Variants in SYNRG observed in about 807,000 individuals in gnomAD.
The protein encoded by SYNRG is AP1 gamma subunit binding protein 1.
SYNRG carries 37 observed loss-of-function variants against 130.9 expected under a neutral mutation model. That is an observed-to-expected ratio of 0.28 (90% CI 0.22 to 0.37). The LOEUF is 0.37. Ranked by LOEUF, SYNRG falls within the 10% of genes least tolerant of loss-of-function variation. The pLI is 1.00. For synonymous variants in SYNRG, 539 were observed against 568.1 expected, an observed-to-expected ratio of 0.95 and a Z score of 0.73; for missense variants, 1,338 against 1,588.9, an observed-to-expected ratio of 0.84 and a Z score of 2.68.
intron 10 of SYNRG, among the ~76,000 whole-genome samples, chr17:37,570,134 A>G (rs2060310402): frequency 6.9e-6 from 1 of 144,670 alleles, no homozygotes; most frequent in Non-Finnish European, 1.5e-5. Flanking sequence ...AGATATAGAC[A>G]TGCTGAGGCT....
Position 37,577,547 on chromosome 17 carries a change from T to G in SYNRG, c.656A>C (p.Lys219Thr). Residue 219 changes from lysine to threonine, a missense_variant, in exon 7 of 22, where the codon AAA becomes ACA. Around this residue, in one of 3 missense-constraint regions of SYNRG, gnomAD observed 1,146 missense variants for 1,342.3 expected, o/e 0.85. Coordinates refer to ENST00000612223, the MANE Select transcript of SYNRG (RefSeq NM_007247.6). ...GTGGCCAACTTCAGAAGTATTTAAT[T>G]TAATTTGTTCCTGCCCAGATGTACT... Reference protein sequence around the residue: ...DISTSGQEQIKLNTSEVGHKA... With the variant: ...DISTSGQEQITLNTSEVGHKA... 2 of 1,614,162 alleles carry G rather than the reference T, an allele frequency of 1.2e-6. No homozygotes were observed. The highest frequency in any genetic ancestry group is 1.7e-6 in the Non-Finnish European group (2 of 1,180,030).
chr17:37,594,063 G>T (rs1368704059), intron 3 of SYNRG, among the ~76,000 whole-genome samples: 1 of 151,340 alleles, frequency 6.6e-6, no homozygotes, highest in Non-Finnish European at 1.5e-5. Flanking sequence ...TTATTGTTCT[G>T]CATATTAGAG....
chr17:37,527,930 G>A (rs563197932), intron 19 of SYNRG, among the ~76,000 whole-genome samples: 1 of 152,288 alleles, frequency 6.6e-6, no homozygotes, highest in South Asian at 2.1e-4. Flanking sequence ...CATGACTACT[G>A]TGATGCCGCA....
intron 19 of SYNRG, among the ~76,000 whole-genome samples, chr17:37,523,074 A>G (rs943523548): frequency 1.3e-5 from 2 of 152,248 alleles, no homozygotes; most frequent in Non-Finnish European, 2.9e-5. Flanking sequence ...AAAGCTAGAC[A>G]AGAGTAAAAT....
At chr17:37,576,559 CT>C (rs1406725534) in intron 7 of SYNRG, 141 bp from the exon 8 acceptor site, 22 of 636,232 alleles carry the variant, frequency 3.5e-5, no homozygotes, top group Non-Finnish European at 5.4e-5. Context: ...TTGGTCCCCC[CT>C]GCCTCCGATT....
At chr17:37,600,468 C>A (rs776943992) in intron 1 of SYNRG, 65 bp from the exon 2 acceptor site, 3 of 1,510,746 alleles carry the variant, frequency 2.0e-6, no homozygotes, top group Admixed American at 3.5e-5. Context: ...AACACGTGTA[C>A]TTTTTTATAT....
intron 1 of SYNRG, among the ~76,000 whole-genome samples, chr17:37,607,513 G>A (rs1330492644): frequency 1.3e-5 from 2 of 152,202 alleles, no homozygotes; most frequent in African/African-American, 2.4e-5. Context: ...AGGATGCCGG[G>A]CGTGGTGACT....
chr17:37,583,486 G>C (rs2146417709), intron 6 of SYNRG, among the ~76,000 whole-genome samples: 1 of 152,270 alleles, frequency 6.6e-6, no homozygotes, highest in South Asian at 2.1e-4. Flanking sequence ...GAAAAATCAA[G>C]AACTGGTTAC....
chr17:37,520,174 C>T lies in SYNRG; in HGVS notation c.3813+5G>A, dbSNP rs2054815028. On this transcript the variant is annotated splice_donor_5th_base_variant and intron_variant, in intron 21 of 21. Transcript: ENST00000612223. Reference sequence around the variant, plus strand: ...ACGCTAAGATAAGGTGTAACTGGTTCATACTTTTTTAGGATGTTCTTCTGC... The same window carrying T: ...ACGCTAAGATAAGGTGTAACTGGTTTATACTTTTTTAGGATGTTCTTCTGC... 1.2e-6 allele frequency: 2 copies of T among 1,614,216 alleles called. No homozygotes were observed. Among genetic ancestry groups the T allele is most frequent in the Middle Eastern group, 3.3e-4 (2 of 6,062 alleles).
At position 37,535,982 on chromosome 17, in the gene SYNRG, G is replaced by A; in HGVS notation, c.3663C>T (p.Leu1221=). 6.2e-7 allele frequency: 1 copy of A among 1,613,814 alleles called. No homozygotes were observed. Among genetic ancestry groups the A allele is most frequent in the South Asian group, 1.1e-5 (1 of 91,084 alleles). Residue 1221 remains leucine, a synonymous_variant, in exon 19 of 22, where the codon CTC becomes CTT. Transcript: ENST00000612223. ...CTGAGTTGTCTCATGGGCTTACTGT[G>A]AGTGTGGCGAGTGACATGAAGCCGA... ...NLIGFMSLAT[L]TPDENSLDFS... is the part of the protein sequence containing the mutation.
intron 8 of SYNRG, among the ~76,000 whole-genome samples, chr17:37,572,581 G>A (rs1033499070): frequency 6.6e-6 from 1 of 152,212 alleles, no homozygotes; most frequent in African/African-American, 2.4e-5. Context: ...AAGACAGCAT[G>A]CTTTGGACTT....
intron 20 of SYNRG, among the ~76,000 whole-genome samples, 160 bp from the exon 21 acceptor site, chr17:37,520,374 G>A (rs1230383260): frequency 2.0e-5 from 3 of 152,170 alleles, no homozygotes; most frequent in South Asian, 4.1e-4. Context: ...CAGCTCCCCC[G>A]CTGCCCTCTC....
chr17:37,553,033 C>G, intron 14 of SYNRG, 82 bp downstream of exon 14: 1 of 1,298,854 alleles, frequency 7.7e-7, no homozygotes, highest in South Asian at 1.3e-5. Context: ...GGGCCAGAGC[C>G]TTACTCATGT....
At chr17:37,594,606 C>A (rs923870408) in intron 3 of SYNRG, among the ~76,000 whole-genome samples, 1 of 152,058 alleles carries the variant, frequency 6.6e-6, no homozygotes, top group East Asian at 1.9e-4. Context: ...GGATTACAGG[C>A]ATGCACCACC....
chr17:37,548,754 G>A (rs2145179592), intron 14 of SYNRG, among the ~76,000 whole-genome samples: 1 of 151,306 alleles, frequency 6.6e-6, no homozygotes, highest in East Asian at 1.9e-4. Flanking sequence ...AGAGGCAGAG[G>A]TTGCAGTGAG....
intron 13 of SYNRG, among the ~76,000 whole-genome samples, chr17:37,557,402 C>T (rs765264143): frequency 2.0e-5 from 3 of 152,128 alleles, no homozygotes; most frequent in African/African-American, 7.2e-5. Flanking sequence ...CGTACTTTGA[C>T]GAAGTCAAGC....
chr17:37,577,375 C>T lies in SYNRG; in HGVS notation c.823+5G>A. 1 of 1,613,610 alleles carries T rather than the reference C, an allele frequency of 6.2e-7. No homozygotes were observed. On this transcript the variant is annotated splice_donor_5th_base_variant and intron_variant, in intron 7 of 21. Transcript: ENST00000612223. ...AGTTTTTTGCTGAATGCTTCACGAG[C>T]TCACCACTCTCTTCAATTGACAGGT...
chr17:37,550,669 A>C (rs2145254412), intron 14 of SYNRG, among the ~76,000 whole-genome samples: 1 of 151,184 alleles, frequency 6.6e-6, no homozygotes, highest in Admixed American at 6.6e-5. Flanking sequence ...AAATGTCTAA[A>C]TTGAAAAAAA....
chr17:37,606,279 G>T (rs1005862377), intron 1 of SYNRG, among the ~76,000 whole-genome samples: 6 of 152,066 alleles, frequency 3.9e-5, no homozygotes, highest in African/African-American at 1.4e-4. Context: ...TAACTCTGTG[G>T]GCCAAATGAA....
Sources: gnomAD v4.1 joint callset for allele counts (sites outside exome capture counted in the v4.1 genomes callset) on GRCh38, gnomAD v4.1.1 for gene constraint, gnomAD v4.1.1 regional missense constraint, MANE v1.5 for transcripts, NCBI Gene and HGNC (gene_info 2026-07-23, HGNC 2026-07-21) for gene names.